Variants in IL23R observed in about 807,000 individuals in gnomAD.
IL23R encodes the protein interleukin 23 receptor, also known as interleukin-23 receptor.
A neutral mutation model predicts 56.9 loss-of-function variants in IL23R; 34 were observed. The observed-to-expected ratio is 0.60, with a 90% CI of 0.45 to 0.80. The LOEUF (loss-of-function observed/expected upper bound fraction) is 0.80. Among genes scored for constraint, IL23R ranks in the 30% least tolerant of loss-of-function variants. The probability of loss-of-function intolerance (pLI) is 0.00; values close to 1 mark genes in which losing one functional copy is unlikely to be tolerated. For missense variants in IL23R, 635 were observed against 730.0 expected, an observed-to-expected ratio of 0.87 and a Z score of 1.50; for synonymous variants, 230 against 249.2, an observed-to-expected ratio of 0.92 and a Z score of 0.73.
At chr1:67,199,654 TG>T (rs1470054047) in intron 4 of IL23R, among the ~76,000 whole-genome samples, 1 of 152,184 alleles carries the variant, frequency 6.6e-6, no homozygotes, top group African/African-American at 2.4e-5. Flanking sequence ...TATACATCTA[TG>T]TATATGTGTG....
At chr1:67,144,631 T>C (rs1363977546) in intron 1 of IL23R, among the ~76,000 whole-genome samples, 1 of 152,218 alleles carries the variant, frequency 6.6e-6, no homozygotes, top group Non-Finnish European at 1.5e-5. Flanking sequence ...TCTAGAACGA[T>C]TGATACTCTG....
At position 67,240,248 on chromosome 1, in the gene IL23R, T is replaced by G; in HGVS notation, c.1115T>G (p.Leu372Trp). 1 of 1,613,348 alleles carries G rather than the reference T, an allele frequency of 6.2e-7. No individual in the cohort carries two copies. Among genetic ancestry groups the G allele is most frequent in the Non-Finnish European group, 8.5e-7 (1 of 1,179,368 alleles). ...VFAVMLSILS[L>W]IGIFNRSFRT... ...GCTGTTATGTTGTCAATTCTTTCTT[T>G]GATTGGGATATTTAACAGATCATTC... The change falls in exon 9 of 11, where the codon TTG (leucine) becomes TGG (tryptophan). Residue 372 changes from leucine to tryptophan, a missense_variant. Transcript: ENST00000347310.
At chr1:67,263,744 C>T (rs560939185), downstream of IL23R, among the ~76,000 whole-genome samples, 3 of 152,078 alleles carry the variant, frequency 2.0e-5, no homozygotes, top group East Asian at 3.9e-4. Context: ...AACCCAATCT[C>T]GACTAAAAAT....
chr1:67,227,982 CTT>C (rs372551276), intron 7 of IL23R, among the ~76,000 whole-genome samples: 9,499 of 89,530 alleles, frequency 0.11, 2,224 homozygotes, highest in Admixed American at 0.24. Flanking sequence ...TTCTTTCTTT[CTT>C]TCTTTCTTTC....
At chr1:67,205,873 ATCTTTCTTTCTT>A (rs200498214) in intron 5 of IL23R, among the ~76,000 whole-genome samples, 34,569 of 139,064 alleles carry the variant, frequency 0.25, 4,422 homozygotes, top group East Asian at 0.39. Context: ...TTGAACATCC[ATCTTTCTTTCTT>A]TCTTTCTTTC....
At chr1:67,191,798 A>G (rs1331984361) in intron 4 of IL23R, among the ~76,000 whole-genome samples, 1 of 152,176 alleles carries the variant, frequency 6.6e-6, no homozygotes, top group African/African-American at 2.4e-5. Context: ...TGAAACATTT[A>G]CTATCCGAGC....
At chr1:67,152,419 C>T (rs1207212658) in intron 1 of IL23R, among the ~76,000 whole-genome samples, 1 of 152,154 alleles carries the variant, frequency 6.6e-6, no homozygotes, top group African/African-American at 2.4e-5. Flanking sequence ...ATTTGACTTC[C>T]TCTCTTCCTA....
intron 1 of IL23R, among the ~76,000 whole-genome samples, chr1:67,160,951 A>G (rs74348541): frequency 0.01 from 1,543 of 152,348 alleles, 33 homozygotes; most frequent in African/African-American, 0.036. Context: ...GAGTGAATCA[A>G]TAAAACCTTA....
intron 4 of IL23R, among the ~76,000 whole-genome samples, chr1:67,189,333 C>T (rs1252469493): frequency 6.6e-6 from 1 of 152,114 alleles, no homozygotes; most frequent in African/African-American, 2.4e-5. Context: ...ATCTCCCCTT[C>T]ACTGTCTAGT....
intron 4 of IL23R, among the ~76,000 whole-genome samples, chr1:67,190,847 C>G (rs1449904728): frequency 6.6e-6 from 1 of 152,168 alleles, no homozygotes; most frequent in Non-Finnish European, 1.5e-5. Context: ...AATTCAGCGG[C>G]CTACTCTGCT....
rs1285681367 is a variant in IL23R at position 67,193,052 on chromosome 1, C to T, written c.492-7685C>T. ...AACTCTCTGATTTTGTCTTTAATCC[C>T]TTTCCTAGTAAAACCTCACTGACCT... On this transcript the variant is annotated intron_variant, in intron 4 of 10. Coordinates refer to ENST00000347310, the MANE Select transcript of IL23R (RefSeq NM_144701.3). Among the ~76,000 whole-genome samples the T allele has an allele frequency of 2.0e-5, 3 of 152,118 alleles. No homozygotes were observed. In the East Asian group the frequency reaches 5.8e-4, roughly 29 times the overall value.
rs118012851 is a variant in IL23R, at chr1:67,236,369, A to G, written c.956-344A>G. 2.0e-5 allele frequency among the ~76,000 whole-genome samples: 3 copies of G among 152,378 alleles called. No individual in the cohort carries two copies. The East Asian group carries it at 5.8e-4, about 29-fold the overall frequency. ...CACCATCAATTGCAAGGAATCAAAT[A>G]GAGATTAGTTATCATGCGTTTTTTC... On this transcript the variant is annotated intron_variant, in intron 7 of 10. Coordinates refer to ENST00000347310, the MANE Select transcript of IL23R (RefSeq NM_144701.3).
Position 67,258,924 on chromosome 1 carries a change from C to A in IL23R, c.1686C>A (p.Asp562Glu). 1 of 1,613,824 alleles carries A rather than the reference C, an allele frequency of 6.2e-7. No individual in the cohort carries two copies. Among genetic ancestry groups the A allele is most frequent in the Non-Finnish European group, 8.5e-7 (1 of 1,179,770 alleles). ...ATCAAGGAGAATGCAGTTCTCCTGA[C>A]ATACAAAACTCAGTAGAGGAGGAAA... ...ILNQGECSSPDIQNSVEEETT... is the reference protein window; with the variant it reads ...ILNQGECSSPEIQNSVEEETT... The change falls in exon 11 of 11, where the codon GAC becomes GAA. Residue 562 changes from aspartate (D) to glutamate (E), a missense_variant. By Grantham distance (45) the Asp-to-Glu change is conservative (BLOSUM62 2). Coordinates refer to ENST00000347310, the MANE Select transcript of IL23R (RefSeq NM_144701.3).
chr1:67,163,468 CAAAAAAAAAAAAAAAAAAAAA>C (rs57495148), upstream of IL23R, among the ~76,000 whole-genome samples: 2 of 49,586 alleles, frequency 4.0e-5, no homozygotes, highest in African/African-American at 1.9e-4. Context: ...GACCCTGTCT[CAAAAAAAAAAAAAAAAAAAAA>C]AAAAAAAAAG....
intron 3 of IL23R, among the ~76,000 whole-genome samples, chr1:67,176,383 T>C (rs77820899): frequency 3.3e-5 from 5 of 152,206 alleles, no homozygotes; most frequent in South Asian, 4.2e-4. Context: ...TGAGTACTGA[T>C]TGGCCTGACT....
At chr1:67,227,662 CAG>C (rs1410627196) in intron 7 of IL23R, among the ~76,000 whole-genome samples, 2 of 152,130 alleles carry the variant, frequency 1.3e-5, no homozygotes, top group East Asian at 3.8e-4. Flanking sequence ...TGATGGCACA[CAG>C]AATGTATTTT....
upstream of IL23R, among the ~76,000 whole-genome samples, chr1:67,166,240 G>T (rs74082141): frequency 2.6e-3 from 389 of 152,252 alleles, 1 homozygote; most frequent in African/African-American, 8.6e-3. Flanking sequence ...TCTGCCTCTT[G>T]GATGAGACCA....
chr1:67,191,285 G>C (rs1475131432), intron 4 of IL23R, among the ~76,000 whole-genome samples: 3 of 152,124 alleles, frequency 2.0e-5, no homozygotes, highest in Non-Finnish European at 4.4e-5. Flanking sequence ...TGAGAAAACA[G>C]AAGCAATGAG....
rs529143623 is a variant in IL23R, at chr1:67,240,868, G to A, written c.1148+587G>A. 1.4e-4 allele frequency among the ~76,000 whole-genome samples: 22 copies of A among 152,296 alleles called. 1 individual carries two copies. Among genetic ancestry groups the A allele is most frequent in the Admixed American group, 4.6e-4 (7 of 15,302 alleles). ...AAAAAAAAAGTGACACATAGAAATT[G>A]GCAGTGAGGTACAGAAACAGCTGGA... On this transcript the variant is annotated intron_variant, in intron 9 of 10. Transcript: ENST00000347310.
Sources: gnomAD v4.1 joint callset for allele counts (sites outside exome capture counted in the v4.1 genomes callset) on GRCh38, gnomAD v4.1.1 for gene constraint, MANE v1.5 for transcripts, NCBI Gene and HGNC (gene_info 2026-07-23, HGNC 2026-07-21) for gene names.